Variants in ZNF24 observed in about 807,000 individuals in gnomAD.
ZNF24 encodes zinc finger protein 24, also known as retinoic acid suppression protein A.
In ZNF24, 11 loss-of-function variants were observed where a neutral mutation model predicts 40.9. The ratio of observed to expected loss-of-function variants is 0.27; its 90% confidence interval spans 0.17 to 0.45. The LOEUF is 0.45. ZNF24 is among the 20% of genes least tolerant of loss of function. The pLI is 1.00. For synonymous variants in ZNF24, 139 were observed against 154.7 expected, an observed-to-expected ratio of 0.90 and a Z score of 0.75; for missense variants, 293 against 437.7, an observed-to-expected ratio of 0.67 and a Z score of 2.95.
In ZNF24 at chr18:35,334,354, A is replaced by C. The variant is rs990719718; in HGVS notation, c.*2878T>G. ...CTCTAGGCCACATGCAAGTCACATGATCTCTGAATCTTGCTTTCCTAGTCC... is the reference window on the plus strand; with the variant it reads ...CTCTAGGCCACATGCAAGTCACATGCTCTCTGAATCTTGCTTTCCTAGTCC... On this transcript the variant is annotated 3_prime_UTR_variant, in exon 4 of 4. Coordinates refer to ENST00000261332, the MANE Select transcript of ZNF24 (RefSeq NM_006965.4). The C allele has an allele frequency of 6.6e-6, 1 of 152,186 alleles. No homozygotes were observed. The highest frequency in any genetic ancestry group is 6.5e-5 in the Admixed American group (1 of 15,276). 9.4% of individuals were successfully genotyped at this position (152,186 alleles called of 1,614,324 possible).
chr18:35,333,170 G>T lies in ZNF24; in HGVS notation c.*4062C>A, dbSNP rs2143842671. ...GACATCTGAATAGGATGTTTACTTT[G>T]GCAATGTAATAGCGAGAGGAAAAAA... On this transcript the variant is annotated 3_prime_UTR_variant, in exon 4 of 4. Coordinates refer to ENST00000261332, the MANE Select transcript of ZNF24 (RefSeq NM_006965.4). 1 of 152,076 alleles carries T rather than the reference G, an allele frequency of 6.6e-6. No individual in the cohort carries two copies. Among genetic ancestry groups the T allele is most frequent in the South Asian group, 2.1e-4 (1 of 4,814 alleles). 9.4% of individuals were successfully genotyped at this position (152,076 alleles called of 1,614,324 possible).
rs1428973120 is a variant in ZNF24 at position 35,334,899 on chromosome 18, C to T, written c.*2333G>A. ...GTCCCTTTTTCCCACAGAGCTTTGC[C>T]TTAGCCTCAGAATCCTTTCTGAACA... On this transcript the variant is annotated 3_prime_UTR_variant, in exon 4 of 4. Transcript: ENST00000261332. 6.6e-6 allele frequency: 1 copy of T among 152,198 alleles called. No individual in the cohort carries two copies. The highest frequency in any genetic ancestry group is 6.5e-5 in the Admixed American group (1 of 15,274). 9.4% of individuals were successfully genotyped at this position (152,198 alleles called of 1,614,324 possible). A position where few individuals can be genotyped will look rare whatever the true frequency, so the allele number is the denominator to read the frequency against.
At chr18:35,338,315 G>C (rs956890735) in intron 3 of ZNF24, 5 of 985,478 alleles carry the variant, frequency 5.1e-6, no homozygotes, top group Non-Finnish European at 6.0e-6. Context: ...AGATAAGCTG[G>C]GGGCCTCCTG....
Position 35,337,492 on chromosome 18 carries a change from C to G in ZNF24, c.847G>C (p.Glu283Gln). Residue 283 changes from glutamate to glutamine, a missense_variant, in exon 4 of 4, where the codon GAG becomes CAG. By Grantham distance (29) the Glu-to-Gln change is conservative. Around this residue, in one of 2 missense-constraint regions of ZNF24, gnomAD observed 59 missense variants for 138.6 expected, o/e 0.43. Transcript: ENST00000261332. ...CTTCGGCTGAATGCTTTCCCACACTCAACACATCCATAAGGTTTCTCCCCA... is the reference window on the plus strand; with the variant it reads ...CTTCGGCTGAATGCTTTCCCACACTGAACACATCCATAAGGTTTCTCCCCA... ...HSGEKPYGCV[E>Q]CGKAFSRSSI... 1 of 1,614,074 alleles carries G rather than the reference C, an allele frequency of 6.2e-7. No individual in the cohort carries two copies. Among genetic ancestry groups the G allele is most frequent in the Admixed American group, 1.7e-5 (1 of 60,024 alleles).
chr18:35,341,242 T>G (rs2044966225), intron 1 of ZNF24, among the ~76,000 whole-genome samples: 1 of 152,200 alleles, frequency 6.6e-6, no homozygotes. Context: ...TAGATGACAG[T>G]GCTCCCATAA....
intron 3 of ZNF24, 137 bp downstream of exon 3, chr18:35,339,692 T>A (rs1030151925): frequency 2.8e-6 from 2 of 720,228 alleles, no homozygotes; most frequent in Non-Finnish European, 4.1e-6. Flanking sequence ...GCCAGCAAAA[T>A]CAACTTAATC....
rs1434358367 is a variant in ZNF24 at position 35,335,601 on chromosome 18, T to G, written c.*1631A>C. The G allele has an allele frequency of 6.6e-6, 1 of 152,192 alleles. No homozygotes were observed. Among genetic ancestry groups the G allele is most frequent in the Non-Finnish European group, 1.5e-5 (1 of 68,034 alleles). The allele number at this position is 152,192 out of a possible 1,614,324, so 9.4% of individuals were successfully genotyped here. ...ACATGGGTCATTTTCCACACAATGA[T>G]GCCCATTATAAAAAAGCCTCCTCTC... On this transcript the variant is annotated 3_prime_UTR_variant, in exon 4 of 4. Coordinates refer to ENST00000261332, the MANE Select transcript of ZNF24 (RefSeq NM_006965.4).
rs776419852 is a variant in ZNF24, at chr18:35,337,585, T to C, written c.754A>G (p.Ile252Val). ...AAGTGTTTTCCACATTCATCACATA[T>C]ATGTTGTTTCTTTCGAGAGGGATTT... The part of the protein sequence containing the change: ...KRNPSRKKQH[I>V]CDECGKHFSQ... The change falls in exon 4 of 4, where the codon ATA becomes GTA. Residue 252 changes from isoleucine (I) to valine (V), a missense_variant. Physicochemically the swap from Ile to Val is conservative, Grantham distance 29. Around this residue, in one of 2 missense-constraint regions of ZNF24, gnomAD observed 234 missense variants for 299.2 expected, o/e 0.78. Transcript: ENST00000261332. 10 of 1,614,058 alleles carry C rather than the reference T, an allele frequency of 6.2e-6. No individual in the cohort carries two copies. The highest frequency in any genetic ancestry group is 1.3e-5 in the African/African-American group (1 of 74,936).
At chr18:35,339,771 G>A in intron 3 of ZNF24, 58 bp downstream of exon 3, 3 of 1,460,564 alleles carry the variant, frequency 2.1e-6, no homozygotes, top group Non-Finnish European at 1.8e-6. Context: ...GCAAAGTTCT[G>A]AACAAAAGGC....
chr18:35,340,713 C>G lies in ZNF24; in HGVS notation c.-63G>C. The G allele has an allele frequency of 6.8e-7, 1 of 1,480,770 alleles. No homozygotes were observed. Among genetic ancestry groups the G allele is most frequent in the South Asian group, 1.3e-5 (1 of 77,944 alleles). The allele number at this position is 1,480,770 out of a possible 1,614,324, so 91.7% of individuals were successfully genotyped here. ...AGAATATAAGCCTCAGGGCAATACC[C>G]CGTTTTCTTCACAGGCACTCCTGAG... On this transcript the variant is annotated 5_prime_UTR_variant, in exon 2 of 4. Transcript: ENST00000261332. This position sits in a 1 kb window ranked among gnomAD's most constrained non-coding sequence, Gnocchi z 4.6.
intron 1 of ZNF24, among the ~76,000 whole-genome samples, chr18:35,344,140 G>C (rs988375505): frequency 6.6e-6 from 1 of 152,148 alleles, no homozygotes; most frequent in Non-Finnish European, 1.5e-5. Context: ...GGAGGACACA[G>C]GGGGTTAGAG....
At chr18:35,344,143 G>T (rs1270327048) in intron 1 of ZNF24, among the ~76,000 whole-genome samples, 1 of 152,140 alleles carries the variant, frequency 6.6e-6, no homozygotes, top group African/African-American at 2.4e-5. Context: ...GGACACAGGG[G>T]GTTAGAGAGC....
Position 35,332,484 on chromosome 18 carries a change from C to T in ZNF24, c.*4748G>A, listed in dbSNP as rs2044867360. ...ATGACATCAGAACTTAGTTCTCTTT[C>T]CATTTCTGCTAGCATCCGAGTTTCT... On this transcript the variant is annotated 3_prime_UTR_variant, in exon 4 of 4. Transcript: ENST00000261332. 2 of 152,584 alleles carry T rather than the reference C, an allele frequency of 1.3e-5. No homozygotes were observed. Among genetic ancestry groups the T allele is most frequent in the Non-Finnish European group, 2.9e-5 (2 of 68,058 alleles). 9.5% of individuals were successfully genotyped at this position (152,584 alleles called of 1,614,324 possible).
In ZNF24 at chr18:35,336,885, G is replaced by C; in HGVS notation, c.*347C>G. 5.5e-6 allele frequency: 1 copy of C among 180,336 alleles called. No individual in the cohort carries two copies. Among genetic ancestry groups the C allele is most frequent in the Non-Finnish European group, 1.1e-5 (1 of 87,266 alleles). The allele number at this position is 180,336 out of a possible 1,614,324, so 11.2% of individuals were successfully genotyped here. A position where few individuals can be genotyped will look rare whatever the true frequency, so the allele number is the denominator to read the frequency against. ...GTATCCATATAAAGAACATTTCAAT[G>C]ATCAATGCAGAAATAATGTATTTGT... On this transcript the variant is annotated 3_prime_UTR_variant, in exon 4 of 4. Coordinates refer to ENST00000261332, the MANE Select transcript of ZNF24 (RefSeq NM_006965.4).
At chr18:35,342,711 T>C (rs12456491) in intron 1 of ZNF24, 46,195 of 152,168 alleles carry the variant, frequency 0.3, 8,588 homozygotes, top group Non-Finnish European at 0.39. Context: ...CCTAAGTGTG[T>C]AGTAGGCTAC....
chr18:35,344,210 A>T (rs1461610486), intron 1 of ZNF24, 150 bp downstream of exon 1: 1 of 152,392 alleles, frequency 6.6e-6, no homozygotes, highest in Non-Finnish European at 1.5e-5. Context: ...CCCGCCCCAC[A>T]ACTGCTAGGC....
rs541997533 is a variant in ZNF24 at position 35,337,051 on chromosome 18, T to A, written c.*181A>T. 13 of 506,106 alleles carry A rather than the reference T, an allele frequency of 2.6e-5. No homozygotes were observed. In the East Asian group the frequency reaches 4.3e-4, roughly 17 times the overall value. 31.4% of individuals were successfully genotyped at this position (506,106 alleles called of 1,614,324 possible). A position where few individuals can be genotyped will look rare whatever the true frequency, so the allele number is the denominator to read the frequency against. On this transcript the variant is annotated 3_prime_UTR_variant, in exon 4 of 4. Transcript: ENST00000261332. ...TTTAAAATTTCAGTTTCTAGGCAGG[T>A]ATGACACCATTTCTTTCAAGATAAA...
chr18:35,337,390 TA>T lies in ZNF24; in HGVS notation c.948del (p.Phe316LeufsTer48), dbSNP rs1473972876. ...PYKCLECGKA[F>X]SQNSGLINHQ... ...TGATTAATAAGCCCCGAATTCTGGCTAAAGGCTTTCCCACATTCAAGACATT... is the reference window on the plus strand; with the variant it reads ...TGATTAATAAGCCCCGAATTCTGGCTAAGGCTTTCCCACATTCAAGACATT... On this transcript the variant is annotated frameshift_variant, in exon 4 of 4. Transcript: ENST00000261332. LOFTEE classifies it high-confidence loss of function. The T allele has an allele frequency of 6.2e-7, 1 of 1,613,994 alleles. No homozygotes were observed. Among genetic ancestry groups the T allele is most frequent in the Non-Finnish European group, 8.5e-7 (1 of 1,179,962 alleles).
Position 35,336,354 on chromosome 18 carries a change from T to C in ZNF24, c.*878A>G, listed in dbSNP as rs2044909802. 1 of 152,446 alleles carries C rather than the reference T, an allele frequency of 6.6e-6. No homozygotes were observed. The highest frequency in any genetic ancestry group is 2.4e-5 in the African/African-American group (1 of 41,450). 9.4% of individuals were successfully genotyped at this position (152,446 alleles called of 1,614,324 possible). A position where few individuals can be genotyped will look rare whatever the true frequency, so the allele number is the denominator to read the frequency against. ...AAATAATGATGAACTCTATCATCTT[T>C]TTCTAAAAGCCATGACAGACCATTA... On this transcript the variant is annotated 3_prime_UTR_variant, in exon 4 of 4. Transcript: ENST00000261332.
Sources: allele counts gnomAD v4.1 joint callset (sites outside exome capture counted in the v4.1 genomes callset), GRCh38; gene constraint gnomAD v4.1.1; regional missense constraint gnomAD v4.1.1; non-coding constraint Gnocchi (gnomAD v3.1); transcripts MANE v1.5; gene names NCBI Gene and HGNC (gene_info 2026-07-23, HGNC 2026-07-21).